The following SPON1 variants were observed in gnomAD, a reference collection of about 807,000 sequenced individuals.
SPON1 encodes the protein spondin 1.
In SPON1, 52 loss-of-function variants were observed where a neutral mutation model predicts 111.7. The observed-to-expected ratio is 0.47, with a 90% CI of 0.37 to 0.59. SPON1 has a LOEUF of 0.59. Among genes scored for constraint, SPON1 ranks in the 20% least tolerant of loss-of-function variants. The probability of loss-of-function intolerance (pLI) is 0.00; values close to 1 mark genes in which losing one functional copy is unlikely to be tolerated. For missense variants in SPON1, 957 were observed against 1,068.5 expected (o/e 0.90, Z 1.46); for synonymous variants, 410 against 395.8 (o/e 1.04, Z -0.43).
rs111239004 is a variant in SPON1, at chr11:14,033,799, T to A, written c.346-7722T>A. On this transcript the variant is annotated intron_variant, in intron 2 of 15. Transcript: ENST00000576479. ...AGTATTGGGGAAATCAAACCTTGTC[T>A]ACCTGTCTAAACTTGGTGGATATCT... 1.3e-3 allele frequency among the ~76,000 whole-genome samples: 198 copies of A among 152,332 alleles called. 1 individual carries two copies. Among genetic ancestry groups the A allele is most frequent in the African/African-American group, 4.7e-3 (194 of 41,586 alleles).
rs371138460 is a variant in SPON1, at chr11:13,968,648, T to C, written c.238+5506T>C. ...TGAGCTTATTTCTACTAAACAGCAC[T>C]GTTTTAAGTTGCTGTTCTCCTCAGC... is the stretch of plus-strand genomic sequence containing the variant. On this transcript the variant is annotated intron_variant, in intron 1 of 15. Coordinates refer to ENST00000576479, the MANE Select transcript of SPON1 (RefSeq NM_006108.4). Among the ~76,000 whole-genome samples the C allele has an allele frequency of 5.3e-5, 8 of 152,336 alleles. 1 individual carries two copies. The South Asian group carries it at 1.7e-3, about 32-fold the overall frequency.
chr11:14,196,274 C>A (rs187999963), intron 6 of SPON1, among the ~76,000 whole-genome samples: 1 of 152,066 alleles, frequency 6.6e-6, no homozygotes, highest in Non-Finnish European at 1.5e-5. Flanking sequence ...GAGAAATCTA[C>A]AGAAACAGAA....
chr11:13,990,043 C>A (rs1848215439), intron 2 of SPON1, among the ~76,000 whole-genome samples: 1 of 152,110 alleles, frequency 6.6e-6, no homozygotes, highest in Non-Finnish European at 1.5e-5. Context: ...GTGGAGACTT[C>A]TGTAGATGTC....
chr11:14,265,506 G>GCATTCTCATGCTTTCAGGTTGT lies in SPON1; in HGVS notation c.2261-17_2265dup, dbSNP rs1554942380. The GCATTCTCATGCTTTCAGGTTGT allele has an allele frequency of 6.2e-7, 1 of 1,609,036 alleles. No individual in the cohort carries two copies. Among genetic ancestry groups the GCATTCTCATGCTTTCAGGTTGT allele is most frequent in the East Asian group, 2.2e-5 (1 of 44,766 alleles). ...GTCCCGTTTCTGCGGGCCTAACAAG[G>GCATTCTCATGCTTTCAGGTTGT]CATTCTCATGCTTTCAGGTTGTAGG... On this transcript the variant is annotated splice_polypyrimidine_tract_variant and intron_variant, in intron 15 of 15. Coordinates refer to ENST00000576479, the MANE Select transcript of SPON1 (RefSeq NM_006108.4).
At chr11:14,042,673 A>C (rs1395933781) in intron 3 of SPON1, among the ~76,000 whole-genome samples, 1 of 152,060 alleles carries the variant, frequency 6.6e-6, no homozygotes, top group African/African-American at 2.4e-5. Context: ...CGAAGGTCTT[A>C]TTTATGTATT....
chr11:14,224,240 G>C (rs1403599942), intron 6 of SPON1, among the ~76,000 whole-genome samples: 1 of 152,122 alleles, frequency 6.6e-6, no homozygotes, highest in African/African-American at 2.4e-5. Flanking sequence ...ATATGTAAGG[G>C]GGTAACAGCA....
intron 2 of SPON1, among the ~76,000 whole-genome samples, chr11:14,023,874 C>T (rs1004879862): frequency 1.1e-4 from 16 of 152,130 alleles, no homozygotes; most frequent in South Asian, 6.2e-4. Flanking sequence ...TAGTGGTGGG[C>T]GCCTGTAATC....
chr11:14,101,126 G>A (rs977820563), intron 5 of SPON1, among the ~76,000 whole-genome samples: 6 of 152,036 alleles, frequency 3.9e-5, no homozygotes, highest in Admixed American at 2.0e-4. Flanking sequence ...TCGGCTGGGC[G>A]CAGTGGCTAA....
At chr11:14,160,455 T>TTTATATATA (rs1564918895) in intron 6 of SPON1, among the ~76,000 whole-genome samples, 1 of 7,650 alleles carries the variant, frequency 1.3e-4, no homozygotes, top group South Asian at 3.2e-3. Context: ...ATATATATAT[T>TTTATATATA]TATATATATA....
rs577657825 is a variant in SPON1, at chr11:13,970,110, A to C, written c.238+6968A>C. On this transcript the variant is annotated intron_variant, in intron 1 of 15. Transcript: ENST00000576479. ...CAAATGCACCTCTCTTGGAGCATCT[A>C]TGGTGTCAGGAAGCTTGCTATATCA... 2.6e-5 allele frequency among the ~76,000 whole-genome samples: 4 copies of C among 152,232 alleles called. No homozygotes were observed. In the South Asian group the frequency reaches 8.3e-4, roughly 32 times the overall value.
At chr11:13,998,675 C>T (rs1441847574) in intron 2 of SPON1, among the ~76,000 whole-genome samples, 1 of 152,194 alleles carries the variant, frequency 6.6e-6, no homozygotes, top group African/African-American at 2.4e-5. Flanking sequence ...CCCTGTACTC[C>T]CCTGGCCTCA....
At chr11:14,007,814 T>C (rs1848374241) in intron 2 of SPON1, among the ~76,000 whole-genome samples, 1 of 152,168 alleles carries the variant, frequency 6.6e-6, no homozygotes, top group Non-Finnish European at 1.5e-5. Context: ...CTCTTGCGGC[T>C]TCTGGTGACT....
Position 14,107,400 on chromosome 11 carries a change from G to A in SPON1, c.676+27379G>A, listed in dbSNP as rs565046809. ...TTTGAAGAGATCTGTACATCTGTCC[G>A]GCTGTCCGTACTCCAGCGGACATGG... On this transcript the variant is annotated intron_variant, in intron 5 of 15. Coordinates refer to ENST00000576479, the MANE Select transcript of SPON1 (RefSeq NM_006108.4). Among the ~76,000 whole-genome samples the A allele has an allele frequency of 1.4e-4, 21 of 152,130 alleles. No individual in the cohort carries two copies. The South Asian group carries it at 3.1e-3, about 23-fold the overall frequency.
At position 14,060,940 on chromosome 11, in the gene SPON1, G is replaced by A. The variant is rs568972149; in HGVS notation, c.480-14405G>A. ...TTATAAGGGTTTCATTAATTCTCTA[G>A]TTTGGTAAAAAAAAAGGCATAAATA... On this transcript the variant is annotated intron_variant, in intron 3 of 15. Transcript: ENST00000576479. Among the ~76,000 whole-genome samples the A allele has an allele frequency of 4.9e-5, 5 of 102,004 alleles. No homozygotes were observed. In the South Asian group the frequency reaches 1.6e-3, roughly 33 times the overall value. The allele number at this position is 102,004 out of a possible 152,430, so 66.9% of individuals were successfully genotyped here.
At chr11:14,214,465 G>A (rs1554936991) in intron 6 of SPON1, among the ~76,000 whole-genome samples, 1 of 152,188 alleles carries the variant, frequency 6.6e-6, no homozygotes, top group African/African-American at 2.4e-5. Flanking sequence ...TCCTGTGTGT[G>A]CATCTTTCCA....
chr11:14,243,212 G>A, intron 6 of SPON1, 120 bp from the exon 7 acceptor site: 1 of 909,592 alleles, frequency 1.1e-6, no homozygotes, highest in Non-Finnish European at 1.7e-6. Flanking sequence ...TGTACACCCA[G>A]GCAGGAAAAG....
chr11:14,191,187 G>A (rs765190308), intron 6 of SPON1, among the ~76,000 whole-genome samples: 7 of 152,156 alleles, frequency 4.6e-5, no homozygotes, highest in African/African-American at 1.2e-4. Context: ...CTCTGAGTCC[G>A]CTGCTGCCTC....
rs138421282 is a variant in SPON1, at chr11:14,024,177, G to A, written c.346-17344G>A. On this transcript the variant is annotated intron_variant, in intron 2 of 15. Coordinates refer to ENST00000576479, the MANE Select transcript of SPON1 (RefSeq NM_006108.4). ...GAGCACTTTTGGGCTTCAACCCCAC[G>A]GCAGTATCTTGGGGTGAGTGCTTAC... Among the ~76,000 whole-genome samples the A allele has an allele frequency of 1.9e-3, 289 of 152,278 alleles. 3 individuals carry two copies. The highest frequency in any genetic ancestry group is 6.6e-3 in the African/African-American group (275 of 41,552).
Position 14,262,455 on chromosome 11 carries a change from C to T in SPON1, c.1997-257C>T, listed in dbSNP as rs140268363. 439 of 542,984 alleles carry T rather than the reference C, an allele frequency of 8.1e-4. 7 individuals are homozygous for T. The East Asian group carries it at 0.013, about 16-fold the overall frequency. The allele number at this position is 542,984 out of a possible 1,614,324, so 33.6% of individuals were successfully genotyped here. A position where few individuals can be genotyped will look rare whatever the true frequency, so the allele number is the denominator to read the frequency against. On this transcript the variant is annotated intron_variant, in intron 14 of 15. Transcript: ENST00000576479. ...GAGGCTCTGAACACATCCTGAAAGT[C>T]CTCCAAAGCCTTCTTGAGTCATAGA...
Sources: gnomAD v4.1 joint callset for allele counts (sites outside exome capture counted in the v4.1 genomes callset) on GRCh38, gnomAD v4.1.1 for gene constraint, MANE v1.5 for transcripts, NCBI Gene and HGNC (gene_info 2026-07-23, HGNC 2026-07-21) for gene names.